RBFOX1: variants seen among roughly 807,000 people sequenced by gnomAD.
The protein encoded by RBFOX1 is RNA binding fox-1 homolog 1.
Under a neutral mutation model 57.7 loss-of-function variants are expected in RBFOX1, and 8 were observed. The observed-to-expected ratio is 0.14, with a 90% CI of 0.08 to 0.25. The LOEUF is 0.25. Ranked by LOEUF, RBFOX1 falls within the 10% of genes least tolerant of loss-of-function variation. RBFOX1 has a pLI of 1.00. For synonymous variants in RBFOX1, 326 were observed against 222.4 expected, an observed-to-expected ratio of 1.47 and a Z score of -4.15; for missense variants, 611 against 548.5, an observed-to-expected ratio of 1.11 and a Z score of -1.14.
At chr16:5,756,583 G>A (rs546250378) in intron 3 of RBFOX1, among the ~76,000 whole-genome samples, 1 of 152,194 alleles carries the variant, frequency 6.6e-6, no homozygotes, top group Admixed American at 6.5e-5. Flanking sequence ...ATTCCTTCTG[G>A]AGCAATAAAA....
intron 3 of RBFOX1, among the ~76,000 whole-genome samples, chr16:5,635,053 G>C (rs913258231): frequency 1.3e-5 from 2 of 152,262 alleles, no homozygotes; most frequent in Non-Finnish European, 1.5e-5. Context: ...TAAAATAAAA[G>C]AGATGGAGGG....
chr16:6,835,684 G>A (rs1420695381), intron 3 of RBFOX1, among the ~76,000 whole-genome samples: 3 of 147,582 alleles, frequency 2.0e-5, no homozygotes, highest in East Asian at 4.2e-4. Context: ...AACCTCAGAG[G>A]TAGAGGTTGC....
At chr16:5,874,009 C>G (rs575813056) in intron 4 of RBFOX1, among the ~76,000 whole-genome samples, 1 of 152,242 alleles carries the variant, frequency 6.6e-6, no homozygotes, top group South Asian at 2.1e-4. Context: ...AGAAGGAACA[C>G]AGAAGAACCA....
intron 2 of RBFOX1, among the ~76,000 whole-genome samples, chr16:6,520,411 A>G (rs1287985308): frequency 6.6e-6 from 1 of 152,198 alleles, no homozygotes; most frequent in Non-Finnish European, 1.5e-5. Context: ...CATAGACTAT[A>G]AAATCCTAAT....
chr16:5,991,720 C>G (rs139341222), intron 4 of RBFOX1, among the ~76,000 whole-genome samples: 1 of 149,472 alleles, frequency 6.7e-6, no homozygotes, highest in Non-Finnish European at 1.5e-5. Flanking sequence ...GTGAGTTGAG[C>G]CTGCCTTAGG....
chr16:5,736,964 T>A (rs1179691817), intron 3 of RBFOX1, among the ~76,000 whole-genome samples: 1 of 147,126 alleles, frequency 6.8e-6, no homozygotes, highest in Non-Finnish European at 1.5e-5. Flanking sequence ...TGGCCCCCTC[T>A]CACTTTATTC....
chr16:5,904,073 C>G (rs2058379296), intron 4 of RBFOX1, among the ~76,000 whole-genome samples: 1 of 152,128 alleles, frequency 6.6e-6, no homozygotes. Context: ...CCAGCATGTT[C>G]CCTGCTCCCC....
chr16:6,754,841 C>G (rs1019449641), intron 3 of RBFOX1, among the ~76,000 whole-genome samples: 2 of 152,076 alleles, frequency 1.3e-5, no homozygotes, highest in Non-Finnish European at 1.5e-5. Context: ...TCTCCTAAAG[C>G]TATCCCTCCC....
chr16:6,534,600 G>A (rs1473084763), intron 2 of RBFOX1, among the ~76,000 whole-genome samples: 5 of 152,126 alleles, frequency 3.3e-5, no homozygotes, highest in South Asian at 2.1e-4. Context: ...ATTGATACCC[G>A]GGTGATTTAC....
At chr16:7,509,221 C>A (rs2074291506) in intron 4 of RBFOX1, among the ~76,000 whole-genome samples, 1 of 152,158 alleles carries the variant, frequency 6.6e-6, no homozygotes, top group Non-Finnish European at 1.5e-5. Context: ...GCATTTGTCA[C>A]CCCTGGAATA....
chr16:7,140,359 C>T (rs1216391043), intron 4 of RBFOX1, among the ~76,000 whole-genome samples: 1 of 138,116 alleles, frequency 7.2e-6, no homozygotes, highest in Admixed American at 8.0e-5. Flanking sequence ...CACTCTGAGT[C>T]TGTATGATAG....
chr16:5,469,407 C>G (rs1330689448), intron 2 of RBFOX1, among the ~76,000 whole-genome samples: 3 of 152,164 alleles, frequency 2.0e-5, no homozygotes, highest in Non-Finnish European at 4.4e-5. Context: ...TTATAACATG[C>G]CAGGGATTAT....
chr16:5,325,331 T>C (rs1164204838), intron 1 of RBFOX1, among the ~76,000 whole-genome samples: 2 of 152,212 alleles, frequency 1.3e-5, no homozygotes, highest in Non-Finnish European at 2.9e-5. Context: ...ACTTGTCCTT[T>C]GTATCTGCAT....
chr16:6,258,425 T>C (rs1223645940), intron 1 of RBFOX1, among the ~76,000 whole-genome samples: 1 of 152,224 alleles, frequency 6.6e-6, no homozygotes, highest in African/African-American at 2.4e-5. Context: ...TTTTTGATTG[T>C]GTGCCCGTGT....
chr16:6,922,056 T>C (rs144978727), intron 3 of RBFOX1, among the ~76,000 whole-genome samples: 44 of 152,312 alleles, frequency 2.9e-4, no homozygotes, highest in African/African-American at 1.0e-3. Flanking sequence ...TGGCAGCTGG[T>C]ATTACTATTC....
intron 1 of RBFOX1, among the ~76,000 whole-genome samples, chr16:6,103,379 A>G (rs1258231882): frequency 6.6e-6 from 1 of 152,192 alleles, no homozygotes; most frequent in Admixed American, 6.5e-5. Context: ...CATATGTAAG[A>G]TATCTAACAT....
At chr16:7,357,295 G>T (rs2097235064) in intron 4 of RBFOX1, among the ~76,000 whole-genome samples, 1 of 151,792 alleles carries the variant, frequency 6.6e-6, no homozygotes, top group Non-Finnish European at 1.5e-5. Flanking sequence ...AAGGTTCTTG[G>T]TTATCATCAT....
intron 5 of RBFOX1, among the ~76,000 whole-genome samples, chr16:7,551,988 C>G (rs776030357): frequency 1.3e-5 from 2 of 152,134 alleles, no homozygotes; most frequent in Admixed American, 1.3e-4. Context: ...GCCGTGTGTC[C>G]ACATCCTCCA....
At chr16:6,595,172 C>T (rs912273160) in intron 2 of RBFOX1, among the ~76,000 whole-genome samples, 8 of 152,106 alleles carry the variant, frequency 5.3e-5, no homozygotes, top group Non-Finnish European at 1.2e-4. Flanking sequence ...TTTTATTGCT[C>T]CAGAAAGACA....
Sources: allele counts gnomAD v4.1 joint callset (sites outside exome capture counted in the v4.1 genomes callset), GRCh38; gene constraint gnomAD v4.1.1; transcripts MANE v1.5; gene names NCBI Gene and HGNC (gene_info 2026-07-23, HGNC 2026-07-21).